The following GFRAL variants were observed in gnomAD, a reference collection of about 807,000 sequenced individuals.
The protein encoded by GFRAL is GDNF family receptor alpha like.
GFRAL carries 36 observed loss-of-function variants against 45.4 expected under a neutral mutation model. The observed-to-expected ratio is 0.79, with a 90% CI of 0.61 to 1.05. GFRAL has a LOEUF of 1.05. Ranked by LOEUF, GFRAL falls within the 50% of genes least tolerant of loss-of-function variation. GFRAL has a pLI of 0.00. For missense variants in GFRAL, 507 were observed against 467.5 expected (o/e 1.08, Z -0.78); for synonymous variants, 166 against 154.1 (o/e 1.08, Z -0.57).
At chr6:55,387,665 G>A (rs1768696642) in intron 6 of GFRAL, among the ~76,000 whole-genome samples, 1 of 152,122 alleles carries the variant, frequency 6.6e-6, no homozygotes, top group East Asian at 1.9e-4. Context: ...AGACATTTGT[G>A]AAGAATCCAT....
intron 3 of GFRAL, among the ~76,000 whole-genome samples, chr6:55,341,204 T>G (rs934099849): frequency 1.3e-5 from 2 of 152,170 alleles, no homozygotes; most frequent in African/African-American, 4.8e-5. Flanking sequence ...GTTTGAAATC[T>G]AAGAATGAAC....
At chr6:55,379,607 A>G (rs1228962033) in intron 6 of GFRAL, among the ~76,000 whole-genome samples, 1 of 151,690 alleles carries the variant, frequency 6.6e-6, no homozygotes, top group South Asian at 2.1e-4. Context: ...AAACTGTGGA[A>G]TGGTTAAATC....
chr6:55,340,967 G>A (rs748267628), intron 3 of GFRAL, among the ~76,000 whole-genome samples: 1 of 152,194 alleles, frequency 6.6e-6, no homozygotes, highest in Non-Finnish European at 1.5e-5. Flanking sequence ...GCAGCAGCGA[G>A]GCTGAGGGAG....
intron 6 of GFRAL, among the ~76,000 whole-genome samples, chr6:55,390,685 T>C (rs1052625306): frequency 6.6e-6 from 1 of 151,876 alleles, no homozygotes; most frequent in Non-Finnish European, 1.5e-5. Flanking sequence ...GTCAGCAGTT[T>C]GAGACCAGCC....
intron 6 of GFRAL, among the ~76,000 whole-genome samples, chr6:55,398,843 G>C (rs779130355): frequency 5.3e-5 from 8 of 152,032 alleles, no homozygotes; most frequent in Non-Finnish European, 1.0e-4. Flanking sequence ...TGTAAAGAAA[G>C]GATCTTTTTC....
chr6:55,342,248 GA>G (rs1386525905), intron 3 of GFRAL, among the ~76,000 whole-genome samples: 2 of 152,122 alleles, frequency 1.3e-5, no homozygotes, highest in Non-Finnish European at 2.9e-5. Flanking sequence ...TGAAATGAAG[GA>G]AAAAATGTTA....
chr6:55,367,596 T>G (rs1201825343), intron 6 of GFRAL, among the ~76,000 whole-genome samples: 1 of 151,676 alleles, frequency 6.6e-6, no homozygotes, highest in Non-Finnish European at 1.5e-5. Flanking sequence ...TTCCTTTCCA[T>G]GTTTAGTGCT....
intron 6 of GFRAL, among the ~76,000 whole-genome samples, chr6:55,365,000 A>G (rs1366277381): frequency 1.3e-5 from 2 of 149,238 alleles, no homozygotes; most frequent in African/African-American, 4.9e-5. Flanking sequence ...CTTGATGGGG[A>G]TGGCATTGAA....
At chr6:55,346,857 A>T (rs537817781) in intron 3 of GFRAL, among the ~76,000 whole-genome samples, 2 of 142,546 alleles carry the variant, frequency 1.4e-5, no homozygotes, top group Admixed American at 6.9e-5. Context: ...AAAAGAAAAA[A>T]CAAAGTAAGT....
intron 6 of GFRAL, among the ~76,000 whole-genome samples, chr6:55,386,773 G>A (rs2127364490): frequency 6.6e-6 from 1 of 152,248 alleles, no homozygotes. Context: ...GACAAATGCT[G>A]GCTTTAGTTT....
intron 5 of GFRAL, among the ~76,000 whole-genome samples, chr6:55,358,341 C>T (rs555272017): frequency 1.3e-5 from 2 of 151,806 alleles, no homozygotes; most frequent in African/African-American, 4.8e-5. Context: ...ATTATCCAGA[C>T]TTTTTTTCAA....
At chr6:55,371,242 T>C (rs1768446342) in intron 6 of GFRAL, among the ~76,000 whole-genome samples, 1 of 152,248 alleles carries the variant, frequency 6.6e-6, no homozygotes, top group African/African-American at 2.4e-5. Flanking sequence ...CTCAGGATTA[T>C]ACTGTCAAAC....
intron 6 of GFRAL, among the ~76,000 whole-genome samples, chr6:55,360,203 C>T (rs1036430583): frequency 6.6e-6 from 1 of 151,748 alleles, no homozygotes; most frequent in Non-Finnish European, 1.5e-5. Flanking sequence ...CTCTATTATC[C>T]ATCTTCAGGG....
At chr6:55,368,369 T>C (rs1306372313) in intron 6 of GFRAL, among the ~76,000 whole-genome samples, 5 of 150,648 alleles carry the variant, frequency 3.3e-5, no homozygotes, top group Non-Finnish European at 7.4e-5. Context: ...GTTTTCAACT[T>C]CTTTGCCTTT....
chr6:55,338,210 C>T (rs898822423), intron 3 of GFRAL, among the ~76,000 whole-genome samples: 2 of 152,028 alleles, frequency 1.3e-5, no homozygotes, highest in Non-Finnish European at 2.9e-5. Context: ...TCTGCCTCAG[C>T]CCCTGAGTAG....
chr6:55,367,784 G>A (rs1426741646), intron 6 of GFRAL, among the ~76,000 whole-genome samples: 10 of 152,004 alleles, frequency 6.6e-5, no homozygotes, highest in Admixed American at 5.2e-4. Context: ...CTCTCTTCTG[G>A]CTTGTAGGGT....
intron 3 of GFRAL, among the ~76,000 whole-genome samples, chr6:55,346,126 A>C (rs1356581977): frequency 6.6e-6 from 1 of 152,204 alleles, no homozygotes; most frequent in Non-Finnish European, 1.5e-5. Flanking sequence ...TGTGGAAGAC[A>C]GTGTGGCGAT....
intron 6 of GFRAL, among the ~76,000 whole-genome samples, chr6:55,381,777 A>C (rs1768610966): frequency 6.6e-6 from 1 of 151,842 alleles, no homozygotes; most frequent in Non-Finnish European, 1.5e-5. Context: ...CTATAAATAA[A>C]ACACTGAGCT....
At chr6:55,372,212 G>T (rs1421125278) in intron 6 of GFRAL, among the ~76,000 whole-genome samples, 1 of 152,044 alleles carries the variant, frequency 6.6e-6, no homozygotes, top group African/African-American at 2.4e-5. Flanking sequence ...TATCCAATTG[G>T]CTAATTAATA....
Sources: gnomAD v4.1 joint callset for allele counts (sites outside exome capture counted in the v4.1 genomes callset) on GRCh38, gnomAD v4.1.1 for gene constraint, MANE v1.5 for transcripts, NCBI Gene and HGNC (gene_info 2026-07-23, HGNC 2026-07-21) for gene names.